ANKRD27: variants seen among roughly 807,000 people sequenced by gnomAD.
ANKRD27 encodes ankyrin repeat domain-containing protein 27.
Under a neutral mutation model 129.7 loss-of-function variants are expected in ANKRD27, and 112 were observed. The ratio of observed to expected loss-of-function variants is 0.86; its 90% CI spans 0.74 to 1.01. The LOEUF (loss-of-function observed/expected upper bound fraction) is 1.01. Among genes scored for constraint, ANKRD27 ranks in the 50% least tolerant of loss-of-function variants. The pLI is 0.00. For synonymous variants in ANKRD27, 516 were observed against 511.2 expected (o/e 1.01, Z -0.13); for missense variants, 1,258 against 1,300.5 (o/e 0.97, Z 0.50).
intron 2 of ANKRD27, among the ~76,000 whole-genome samples, chr19:32,652,640 A>C (rs1435568270): frequency 6.6e-6 from 1 of 151,394 alleles, no homozygotes; most frequent in East Asian, 1.9e-4. Context: ...GAGGAAAAAC[A>C]AAAGGAGACA....
chr19:32,623,902 G>C (rs1402835851), intron 17 of ANKRD27, among the ~76,000 whole-genome samples: 4 of 152,020 alleles, frequency 2.6e-5, no homozygotes. Flanking sequence ...ACTCCACCAC[G>C]TGCCTGTTCC....
intron 22 of ANKRD27, among the ~76,000 whole-genome samples, chr19:32,614,557 T>G (rs1308123582): frequency 2.0e-5 from 3 of 151,670 alleles, no homozygotes; most frequent in Non-Finnish European, 4.4e-5. Flanking sequence ...TACAAAAAAT[T>G]AGCTGGGCGT....
chr19:32,646,427 A>G, intron 4 of ANKRD27, 32 bp downstream of exon 4: 1 of 1,583,180 alleles, frequency 6.3e-7, no homozygotes, highest in South Asian at 1.1e-5. Flanking sequence ...TTTTTCTAAA[A>G]CAGGAGAAAA....
chr19:32,631,857 T>C (rs765350943), intron 12 of ANKRD27, among the ~76,000 whole-genome samples: 10 of 152,220 alleles, frequency 6.6e-5, no homozygotes, highest in Non-Finnish European at 1.2e-4. Flanking sequence ...TCTGACCAAA[T>C]GCCTGCAGAG....
intron 2 of ANKRD27, 143 bp downstream of exon 2, chr19:32,658,771 C>T (rs367746414): frequency 1.3e-5 from 9 of 714,324 alleles, no homozygotes; most frequent in African/African-American, 1.7e-5. Flanking sequence ...GGGGGCCCCT[C>T]GCTGCTCACT....
At position 32,646,618 on chromosome 19, in the gene ANKRD27, G is replaced by T; in HGVS notation, c.214-3C>A. ...CTGTTCCCTTGAATAAAGACATCCTGGAAACAAGAAAGCCATCACTGCACC... is the reference window on the plus strand; with the variant it reads ...CTGTTCCCTTGAATAAAGACATCCTTGAAACAAGAAAGCCATCACTGCACC... On this transcript the variant is annotated splice_polypyrimidine_tract_variant and splice_region_variant and intron_variant, in intron 3 of 28. Transcript: ENST00000306065. 2.5e-6 allele frequency: 4 copies of T among 1,611,084 alleles called. No homozygotes were observed. In the South Asian group the frequency reaches 4.4e-5, roughly 18 times the overall value.
intron 2 of ANKRD27, among the ~76,000 whole-genome samples, chr19:32,654,591 AC>A (rs568643949): frequency 7.2e-5 from 11 of 152,176 alleles, no homozygotes; most frequent in Admixed American, 2.6e-4. Context: ...AGCAAACCTG[AC>A]CAGTGTGACA....
intron 23 of ANKRD27, 49 bp from the exon 24 acceptor site, chr19:32,606,003 T>C (rs760133652): frequency 6.6e-7 from 1 of 1,517,370 alleles, no homozygotes; most frequent in South Asian, 1.3e-5. Context: ...TTTCTGTCAT[T>C]TCCTGCCAGA....
chr19:32,625,418 AAT>A (rs1258706610), intron 17 of ANKRD27, among the ~76,000 whole-genome samples: 2 of 148,562 alleles, frequency 1.3e-5, no homozygotes, highest in Non-Finnish European at 3.0e-5. Context: ...TGGCATCTGT[AAT>A]ATATTAAACA....
chr19:32,619,366 G>A lies in ANKRD27; in HGVS notation c.1901C>T (p.Ser634Phe), dbSNP rs773661911. The change falls in exon 20 of 29, where the codon TCC (serine) becomes TTC (phenylalanine). Residue 634 changes from serine (S) to phenylalanine (F), a missense_variant. Coordinates refer to ENST00000306065, the MANE Select transcript of ANKRD27 (RefSeq NM_032139.3). Reference sequence around the variant, plus strand: ...GATGGAGTCCACGGAGCGCTGCGGGGACTGCACAGGGGCCTGCAGCCAAGG... The same window carrying A: ...GATGGAGTCCACGGAGCGCTGCGGGAACTGCACAGGGGCCTGCAGCCAAGG... Reference protein sequence around the residue: ...RQKSSEAPVQSPQRSVDSISQ... With the variant: ...RQKSSEAPVQFPQRSVDSISQ... 2.5e-6 allele frequency: 4 copies of A among 1,613,766 alleles called. No homozygotes were observed. The highest frequency in any genetic ancestry group is 2.5e-6 in the Non-Finnish European group (3 of 1,180,020).
In ANKRD27 at chr19:32,607,707, C is replaced by G. The variant is rs750284658; in HGVS notation, c.2301G>C (p.Gly767=). Residue 767 remains glycine, a synonymous_variant, in exon 23 of 29, where the codon GGG becomes GGC. Coordinates refer to ENST00000306065, the MANE Select transcript of ANKRD27 (RefSeq NM_032139.3). The part of the protein sequence containing the change: ...ADLIPLLLKH[G]ANAGARNADQ... The stretch of plus-strand genomic sequence containing the variant: ...CTGCGTTCCTGGCACCTGCGTTGGC[C>G]CCGTGCTTCAGCAGGAGGGGGATGA... 6.2e-7 allele frequency: 1 copy of G among 1,613,096 alleles called. No individual in the cohort carries two copies. The highest frequency in any genetic ancestry group is 2.2e-5 in the East Asian group (1 of 44,862).
intron 1 of ANKRD27, among the ~76,000 whole-genome samples, chr19:32,670,979 C>T (rs922300014): frequency 2.0e-5 from 3 of 151,552 alleles, no homozygotes; most frequent in Admixed American, 6.6e-5. Context: ...GAGTGAGACT[C>T]CATTTCAAAA....
In ANKRD27 at chr19:32,627,967, T is replaced by C. The variant is rs112824017; in HGVS notation, c.1420+116A>G. ...CGGCCCTTGGAGGGTGGACCCACGATGCAGCCCCAACTGCCAACCCCCACC... is the reference window on the plus strand; with the variant it reads ...CGGCCCTTGGAGGGTGGACCCACGACGCAGCCCCAACTGCCAACCCCCACC... On this transcript the variant is annotated intron_variant, in intron 15 of 28. Coordinates refer to ENST00000306065, the MANE Select transcript of ANKRD27 (RefSeq NM_032139.3). 4.7e-4 allele frequency: 430 copies of C among 907,904 alleles called. 3 individuals carry two copies. In the African/African-American group the frequency reaches 6.3e-3, roughly 13 times the overall value. 56.2% of individuals were successfully genotyped at this position (907,904 alleles called of 1,614,324 possible). A position where few individuals can be genotyped will look rare whatever the true frequency, so the allele number is the denominator to read the frequency against.
At chr19:32,619,182 C>T (rs1368131103) in intron 20 of ANKRD27, 78 bp downstream of exon 20, 1 of 1,534,390 alleles carries the variant, frequency 6.5e-7, no homozygotes, top group Non-Finnish European at 8.8e-7. Flanking sequence ...CCTTGTCAGG[C>T]CACGGCTCTT....
intron 1 of ANKRD27, among the ~76,000 whole-genome samples, chr19:32,671,705 A>T (rs1967873502): frequency 6.6e-6 from 1 of 152,242 alleles, no homozygotes. Context: ...AAAACAAAAC[A>T]AACAAAAGAA....
At chr19:32,631,708 G>C (rs1966996437) in intron 12 of ANKRD27, among the ~76,000 whole-genome samples, 1 of 152,212 alleles carries the variant, frequency 6.6e-6, no homozygotes, top group Non-Finnish European at 1.5e-5. Context: ...TGCTCCCTGT[G>C]GGGGATGGGG....
intron 22 of ANKRD27, among the ~76,000 whole-genome samples, chr19:32,614,138 TGA>T (rs879920946): frequency 2.0e-5 from 3 of 152,028 alleles, no homozygotes; most frequent in Non-Finnish European, 2.9e-5. Flanking sequence ...ATTGGTCTTG[TGA>T]GAGAACTGTG....
intron 1 of ANKRD27, among the ~76,000 whole-genome samples, chr19:32,668,902 G>A (rs1056166164): frequency 6.6e-6 from 1 of 152,104 alleles, no homozygotes; most frequent in Non-Finnish European, 1.5e-5. Context: ...AGGCAAGTAG[G>A]TATCACTAGC....
chr19:32,618,253 G>C (rs1161125075), intron 20 of ANKRD27, among the ~76,000 whole-genome samples: 1 of 151,192 alleles, frequency 6.6e-6, no homozygotes, highest in Non-Finnish European at 1.5e-5. Flanking sequence ...GTGAGGCCAT[G>C]GTCGCCTTGG....
Sources: allele counts gnomAD v4.1 joint callset (sites outside exome capture counted in the v4.1 genomes callset), GRCh38; gene constraint gnomAD v4.1.1; transcripts MANE v1.5; gene names NCBI Gene and HGNC (gene_info 2026-07-23, HGNC 2026-07-21).